Variants in MORC1 observed in about 807,000 individuals in gnomAD.
The protein encoded by MORC1 is MORC family CW-type zinc finger protein 1.
In MORC1, 59 loss-of-function variants were observed where a neutral mutation model predicts 134.9. The ratio of observed to expected loss-of-function variants is 0.44; its 90% CI spans 0.35 to 0.54. The LOEUF (loss-of-function observed/expected upper bound fraction) is 0.54, where lower values mean the gene tolerates loss of function less well. Among genes scored for constraint, MORC1 ranks in the 20% least tolerant of loss-of-function variants. MORC1 has a pLI of 0.00. For missense variants in MORC1, 947 were observed against 1,134.5 expected, an observed-to-expected ratio of 0.83 and a Z score of 2.37; for synonymous variants, 395 against 391.7, an observed-to-expected ratio of 1.01 and a Z score of -0.10.
intron 4 of MORC1, among the ~76,000 whole-genome samples, chr3:109,102,531 T>G (rs1301867272): frequency 6.6e-6 from 1 of 152,180 alleles, no homozygotes; most frequent in Non-Finnish European, 1.5e-5. Context: ...TGGGTCAAGA[T>G]TGATCTAGCT....
intron 21 of MORC1, among the ~76,000 whole-genome samples, chr3:108,993,142 A>T (rs901262065): frequency 2.6e-5 from 4 of 152,126 alleles, no homozygotes; most frequent in Non-Finnish European, 5.9e-5. Context: ...CCTTTCCATA[A>T]CATAATACTA....
At chr3:109,095,447 A>G (rs143570925) in intron 6 of MORC1, among the ~76,000 whole-genome samples, 7 of 152,292 alleles carry the variant, frequency 4.6e-5, no homozygotes, top group Non-Finnish European at 7.4e-5. Context: ...CAGAATTCCT[A>G]CACTGTAATT....
chr3:109,083,976 C>T (rs997024652), intron 8 of MORC1, among the ~76,000 whole-genome samples: 2 of 152,074 alleles, frequency 1.3e-5, no homozygotes, highest in South Asian at 4.2e-4. Flanking sequence ...ATGATAAAAA[C>T]CCTTAATAAA....
intron 13 of MORC1, 127 bp downstream of exon 13, chr3:109,057,216 G>T: frequency 1.1e-6 from 1 of 938,530 alleles, no homozygotes; most frequent in Non-Finnish European, 1.5e-6. Flanking sequence ...CACTTCAACA[G>T]GAAGGGTGAA....
In MORC1 at chr3:108,969,593, T is replaced by G; in HGVS notation, c.2604+76A>C. The G allele has an allele frequency of 2.8e-6, 4 of 1,415,554 alleles. No homozygotes were observed. The South Asian group carries it at 4.6e-5, about 16-fold the overall frequency. The allele number at this position is 1,415,554 out of a possible 1,614,324, so 87.7% of individuals were successfully genotyped here. ...TTGATTTCCTTTCAAACCTAACATT[T>G]GGAAATGTACATTATTTATCCTTTC... On this transcript the variant is annotated intron_variant, in intron 26 of 27. Coordinates refer to ENST00000232603, the MANE Select transcript of MORC1 (RefSeq NM_014429.4).
rs747574560 is a variant in MORC1, at chr3:109,054,712, A to C, written c.1330+16T>G. On this transcript the variant is annotated intron_variant, in intron 14 of 27. Coordinates refer to ENST00000232603, the MANE Select transcript of MORC1 (RefSeq NM_014429.4). ...CCCTCTGTAAGTATCTCCTACTATG[A>C]CTATTGAATACTCACTGATGCCGGT... 6.6e-7 allele frequency: 1 copy of C among 1,503,964 alleles called. No homozygotes were observed. Among genetic ancestry groups the C allele is most frequent in the Non-Finnish European group, 8.8e-7 (1 of 1,133,732 alleles). The allele number at this position is 1,503,964 out of a possible 1,614,324, so 93.2% of individuals were successfully genotyped here.
intron 14 of MORC1, among the ~76,000 whole-genome samples, chr3:109,045,310 G>A (rs1194438811): frequency 6.6e-6 from 1 of 150,996 alleles, no homozygotes; most frequent in African/African-American, 2.4e-5. Flanking sequence ...ATACTGTCCT[G>A]TTTGTCATTA....
chr3:109,093,329 G>C (rs1198862474), intron 8 of MORC1, 107 bp downstream of exon 8: 7 of 753,562 alleles, frequency 9.3e-6, no homozygotes, highest in Non-Finnish European at 1.6e-5. Context: ...AAGATGAATT[G>C]TCCCAGTGCT....
At chr3:109,083,990 T>G (rs1241457619) in intron 8 of MORC1, among the ~76,000 whole-genome samples, 1 of 152,024 alleles carries the variant, frequency 6.6e-6, no homozygotes, top group Admixed American at 6.6e-5. Context: ...TAATAAACTG[T>G]GTAAAGAAGT....
chr3:109,006,352 CAA>C (rs767831291), intron 18 of MORC1, among the ~76,000 whole-genome samples: 2 of 152,196 alleles, frequency 1.3e-5, no homozygotes, highest in South Asian at 4.1e-4. Context: ...TTAAAAAACA[CAA>C]ACACAAACTA....
intron 22 of MORC1, 68 bp from the exon 23 acceptor site, chr3:108,984,850 T>C: frequency 7.8e-7 from 1 of 1,280,764 alleles, no homozygotes; most frequent in South Asian, 1.3e-5. Flanking sequence ...AAAAGAAATG[T>C]TAGCAGTTCA....
chr3:108,969,546 GTC>G, intron 26 of MORC1, 121 bp downstream of exon 26: 1 of 923,498 alleles, frequency 1.1e-6, no homozygotes, highest in Non-Finnish European at 1.7e-6. Context: ...ATTAATCTAA[GTC>G]TCGATAAGTG....
At chr3:109,075,696 C>T (rs1950407209) in intron 8 of MORC1, among the ~76,000 whole-genome samples, 1 of 152,260 alleles carries the variant, frequency 6.6e-6, no homozygotes, top group East Asian at 1.9e-4. Context: ...GTTTTGGTTA[C>T]TGTAGCCTTG....
chr3:109,062,617 T>TCA (rs1450127237), intron 10 of MORC1, among the ~76,000 whole-genome samples: 1 of 152,076 alleles, frequency 6.6e-6, no homozygotes, highest in Non-Finnish European at 1.5e-5. Flanking sequence ...AGACAGGGTT[T>TCA]CACCGTGTTA....
intron 9 of MORC1, among the ~76,000 whole-genome samples, chr3:109,064,819 G>A (rs574395966): frequency 6.6e-6 from 1 of 152,280 alleles, no homozygotes; most frequent in East Asian, 1.9e-4. Flanking sequence ...TTGATAGGTA[G>A]AGATGTGGAC....
intron 17 of MORC1, 114 bp from the exon 18 acceptor site, chr3:109,007,205 C>T: frequency 1.4e-6 from 1 of 723,808 alleles, no homozygotes; most frequent in Non-Finnish European, 2.3e-6. Flanking sequence ...ATAGCAAACC[C>T]TCATGAATAA....
At position 108,982,938 on chromosome 3, in the gene MORC1, GTT is replaced by G. The variant is rs59003713; in HGVS notation, c.2324+1776_2324+1777del. Among the ~76,000 whole-genome samples the G allele has an allele frequency of 7.6e-4, 110 of 145,010 alleles. 2 individuals are homozygous for G. Among genetic ancestry groups the G allele is most frequent in the African/African-American group, 2.7e-3 (107 of 39,666 alleles). On this transcript the variant is annotated intron_variant, in intron 23 of 27. Transcript: ENST00000232603. Reference sequence around the variant, plus strand: ...CACATAAAGGAATATACTAGTTTTGGTTTTTTTTTAAATGCAAAAAAAAAAAG... The same window carrying G: ...CACATAAAGGAATATACTAGTTTTGGTTTTTTTAAATGCAAAAAAAAAAAG...
intron 21 of MORC1, among the ~76,000 whole-genome samples, chr3:108,998,771 GTTAA>G (rs1948309364): frequency 6.6e-6 from 1 of 152,204 alleles, no homozygotes. Context: ...GTTTATCCAA[GTTAA>G]TTAGACACCA....
intron 6 of MORC1, among the ~76,000 whole-genome samples, chr3:109,096,851 A>C (rs193081616): frequency 3.0e-4 from 45 of 152,318 alleles, no homozygotes; most frequent in African/African-American, 1.1e-3. Context: ...AAGGGTTCAA[A>C]AATAAATATT....
Sources: gnomAD v4.1 joint callset for allele counts (sites outside exome capture counted in the v4.1 genomes callset) on GRCh38, gnomAD v4.1.1 for gene constraint, MANE v1.5 for transcripts, NCBI Gene and HGNC (gene_info 2026-07-23, HGNC 2026-07-21) for gene names.